The following CDH4 variants were observed in gnomAD, a reference collection of about 807,000 sequenced individuals.
CDH4 encodes cadherin-4.
Under a neutral mutation model 86.0 loss-of-function variants are expected in CDH4, and 33 were observed. The observed-to-expected ratio is 0.38, with a 90% CI of 0.29 to 0.51. The LOEUF is 0.51. CDH4 is among the 20% of genes least tolerant of loss of function. CDH4 has a pLI of 0.86. For synonymous variants in CDH4, 555 were observed against 549.4 expected (o/e 1.01, Z -0.14); for missense variants, 1,114 against 1,307.4 (o/e 0.85, Z 2.28).
chr20:61,371,036 T>C (rs1252194920), intron 2 of CDH4, among the ~76,000 whole-genome samples: 1 of 152,216 alleles, frequency 6.6e-6, no homozygotes, highest in Non-Finnish European at 1.5e-5. Flanking sequence ...GGGGGATTTT[T>C]TATTTGGGAG....
intron 2 of CDH4, among the ~76,000 whole-genome samples, chr20:61,366,396 G>A (rs1200258012): frequency 1.3e-5 from 2 of 152,198 alleles, no homozygotes. Flanking sequence ...CGGTCGGGGA[G>A]ACCCTAACCC....
chr20:61,465,155 G>GT (rs2085465605), intron 2 of CDH4, among the ~76,000 whole-genome samples: 1 of 152,200 alleles, frequency 6.6e-6, no homozygotes, highest in African/African-American at 2.4e-5. Flanking sequence ...GTATCTTTCT[G>GT]TCCCTCTGGG....
intron 2 of CDH4, among the ~76,000 whole-genome samples, chr20:61,741,086 G>A (rs2088326681): frequency 6.6e-6 from 1 of 152,214 alleles, no homozygotes; most frequent in African/African-American, 2.4e-5. Flanking sequence ...GTGCACGCCT[G>A]TAGTCCCAGC....
At chr20:61,705,213 G>A (rs891715746) in intron 2 of CDH4, among the ~76,000 whole-genome samples, 1 of 152,202 alleles carries the variant, frequency 6.6e-6, no homozygotes, top group Non-Finnish European at 1.5e-5. Flanking sequence ...GGAGGCATCC[G>A]CACCTGAGCT....
intron 2 of CDH4, among the ~76,000 whole-genome samples, chr20:61,614,844 C>G (rs1402846428): frequency 6.6e-6 from 1 of 152,144 alleles, no homozygotes; most frequent in African/African-American, 2.4e-5. Context: ...CCTGCTCAGA[C>G]CCAGGGGATG....
In CDH4 at chr20:61,923,462, C is replaced by T. The variant is rs769050543; in HGVS notation, c.1386C>T (p.Tyr462=). The change falls in exon 10 of 16, where the codon TAC becomes TAT. Residue 462 remains tyrosine (Y), a synonymous_variant. Coordinates refer to ENST00000614565, the MANE Select transcript of CDH4 (RefSeq NM_001794.5). ...GMVTVVKAVD[Y]ELNRAFMLTV... ...ATCTGTTGTTCCAGGCAGTCGACTA[C>T]GAGCTCAACAGAGCTTTCATGCTGA... The T allele has an allele frequency of 3.2e-5, 52 of 1,614,034 alleles. No individual in the cohort carries two copies. In the East Asian group the frequency reaches 5.6e-4, roughly 17 times the overall value.
At chr20:61,784,377 G>GA (rs1272624623) in intron 4 of CDH4, among the ~76,000 whole-genome samples, 2 of 11,072 alleles carry the variant, frequency 1.8e-4, no homozygotes, top group African/African-American at 1.1e-3. Context: ...GCCCCCAGGA[G>GA]AATGTAATCC....
At chr20:61,604,463 C>G (rs1336617120) in intron 2 of CDH4, among the ~76,000 whole-genome samples, 1 of 152,216 alleles carries the variant, frequency 6.6e-6, no homozygotes, top group Non-Finnish European at 1.5e-5. Context: ...CTTCCTTGGC[C>G]TCTCCTTTCA....
intron 9 of CDH4, among the ~76,000 whole-genome samples, chr20:61,915,850 G>A (rs1227774503): frequency 1.3e-5 from 2 of 152,186 alleles, no homozygotes; most frequent in African/African-American, 2.4e-5. Context: ...TAACATTCCT[G>A]AGAGTGACTC....
intron 4 of CDH4, among the ~76,000 whole-genome samples, chr20:61,830,092 C>T (rs1197348337): frequency 2.7e-5 from 4 of 149,426 alleles, no homozygotes; most frequent in South Asian, 2.1e-4. Context: ...ACCCCACTCC[C>T]GCAGTTCTAC....
intron 2 of CDH4, among the ~76,000 whole-genome samples, chr20:61,682,611 G>A (rs1020123456): frequency 3.9e-5 from 6 of 152,056 alleles, no homozygotes; most frequent in African/African-American, 2.4e-5. Context: ...GTGGAAAAGT[G>A]GAAGGGAGGA....
intron 3 of CDH4, among the ~76,000 whole-genome samples, chr20:61,768,262 CAT>C (rs983631634): frequency 5.4e-4 from 82 of 152,266 alleles, no homozygotes; most frequent in African/African-American, 1.8e-3. Flanking sequence ...CATAAACACA[CAT>C]GTATTCATAC....
chr20:61,750,745 CCTAAAAGAACCTGTA>C (rs1470320781), intron 3 of CDH4, among the ~76,000 whole-genome samples: 1 of 152,192 alleles, frequency 6.6e-6, no homozygotes, highest in African/African-American at 2.4e-5. Context: ...TGTAATCTGT[CCTAAAAGAACCTGTA>C]CTAAGTTACT....
intron 2 of CDH4, among the ~76,000 whole-genome samples, chr20:61,308,618 AC>A (rs2084429645): frequency 6.6e-6 from 1 of 152,188 alleles, no homozygotes; most frequent in Non-Finnish European, 1.5e-5. Context: ...AATGAGGAGC[AC>A]CGGGGCTTAC....
intron 3 of CDH4, among the ~76,000 whole-genome samples, chr20:61,768,724 G>A (rs542355165): frequency 4.6e-5 from 7 of 152,274 alleles, no homozygotes; most frequent in South Asian, 2.1e-4. Context: ...CCAGGGAAGC[G>A]GGCGCATCTT....
chr20:61,629,774 C>G (rs1438847191), intron 2 of CDH4, among the ~76,000 whole-genome samples: 1 of 152,210 alleles, frequency 6.6e-6, no homozygotes, highest in East Asian at 1.9e-4. Flanking sequence ...TGGGAAGGTG[C>G]TCGGTGCCCA....
At chr20:61,567,995 A>G (rs1314049926) in intron 2 of CDH4, among the ~76,000 whole-genome samples, 1 of 152,158 alleles carries the variant, frequency 6.6e-6, no homozygotes, top group Non-Finnish European at 1.5e-5. Context: ...AAGAAAATAT[A>G]TTTAAAAATT....
At chr20:61,919,169 C>G (rs755382528) in intron 9 of CDH4, among the ~76,000 whole-genome samples, 1 of 152,196 alleles carries the variant, frequency 6.6e-6, no homozygotes, top group Non-Finnish European at 1.5e-5. Flanking sequence ...CCGCACCTGG[C>G]CTTATTGATG....
At position 61,659,090 on chromosome 20, in the gene CDH4, C is replaced by T. The variant is rs192341063; in HGVS notation, c.170-84473C>T. Among the ~76,000 whole-genome samples, 99 of 152,260 alleles carry T rather than the reference C, an allele frequency of 6.5e-4. 1 individual carries two copies. Among genetic ancestry groups the T allele is most frequent in the African/African-American group, 2.1e-3 (87 of 41,550 alleles). On this transcript the variant is annotated intron_variant, in intron 2 of 15. Coordinates refer to ENST00000614565, the MANE Select transcript of CDH4 (RefSeq NM_001794.5). ...AGTCTAACACTAAACTGTTCACGGT[C>T]GTAGCACCCAGAATGTATTTGATTG... is the stretch of plus-strand genomic sequence containing the variant.
Sources: allele counts gnomAD v4.1 joint callset (sites outside exome capture counted in the v4.1 genomes callset), GRCh38; gene constraint gnomAD v4.1.1; transcripts MANE v1.5; gene names NCBI Gene and HGNC (gene_info 2026-07-23, HGNC 2026-07-21).